Variants in RETREG1 observed in about 807,000 individuals in gnomAD.
RETREG1 encodes family with sequence similarity 134 member B.
RETREG1 carries 44 observed loss-of-function variants against 54.8 expected under a neutral mutation model. The observed-to-expected ratio is 0.80, with a 90% CI of 0.63 to 1.03. The LOEUF (loss-of-function observed/expected upper bound fraction) is 1.03, where lower values mean the gene tolerates loss of function less well. RETREG1 is among the 50% of genes least tolerant of loss of function. RETREG1 has a pLI of 0.00. For missense variants in RETREG1, 554 were observed against 605.1 expected, an observed-to-expected ratio of 0.92 and a Z score of 0.89; for synonymous variants, 217 against 238.5, an observed-to-expected ratio of 0.91 and a Z score of 0.83.
Position 16,478,971 on chromosome 5 carries a change from CA to C in RETREG1, c.686del (p.Leu229CysfsTer23). The C allele has an allele frequency of 6.2e-7, 1 of 1,611,808 alleles. No individual in the cohort carries two copies. Among genetic ancestry groups the C allele is most frequent in the Non-Finnish European group, 8.5e-7 (1 of 1,178,782 alleles). On this transcript the variant is annotated frameshift_variant, in exon 6 of 9. Transcript: ENST00000306320. LOFTEE classifies it high-confidence loss of function. ...LSYLLLLCAFLCPLFKCNDIG... is the reference protein window; with the variant it reads ...LSYLLLLCAFXCPLFKCNDIG... The stretch of plus-strand genomic sequence containing the variant: ...TATCATTACATTTAAACAATGGACA[CA>C]AAAATGCACACAGTACTGAAAGAAG...
In RETREG1 at chr5:16,478,870, T is replaced by G. The variant is rs564789943; in HGVS notation, c.788A>C (p.Gln263Pro). The change falls in exon 6 of 9, where the codon CAG becomes CCG. Residue 263 changes from glutamine to proline, a missense_variant. By Grantham distance (76) the Gln-to-Pro change is moderately conservative. Coordinates refer to ENST00000306320, the MANE Select transcript of RETREG1 (RefSeq NM_001034850.3). ...LDFGIGEYINQKKRERSEADK... is the reference protein window; with the variant it reads ...LDFGIGEYINPKKRERSEADK... ...CCTACCAGATCTCTCACGTTTCTTC[T>G]GATTAATATATTCTCCAATTCCAAA... 1.3e-5 allele frequency: 21 copies of G among 1,612,268 alleles called. No homozygotes were observed. The South Asian group carries it at 2.2e-4, about 17-fold the overall frequency.
chr5:16,478,747 G>A, intron 6 of RETREG1, 103 bp downstream of exon 6: 4 of 1,086,116 alleles, frequency 3.7e-6, no homozygotes, highest in Non-Finnish European at 5.5e-6. Flanking sequence ...ATAATATTTA[G>A]TAAAAAGCTA....
intron 3 of RETREG1, among the ~76,000 whole-genome samples, chr5:16,549,168 T>C (rs991963): frequency 0.33 from 50,855 of 152,176 alleles, 10,127 homozygotes; most frequent in Non-Finnish European, 0.44. Context: ...CTGATACTGA[T>C]AAAATTATCG....
At chr5:16,501,725 A>C (rs1248497075) in intron 3 of RETREG1, among the ~76,000 whole-genome samples, 1 of 150,714 alleles carries the variant, frequency 6.6e-6, no homozygotes, top group Non-Finnish European at 1.5e-5. Flanking sequence ...TTGTATTTTC[A>C]GTAGAGACAA....
At chr5:16,522,597 T>C (rs1051501866) in intron 3 of RETREG1, among the ~76,000 whole-genome samples, 4 of 152,216 alleles carry the variant, frequency 2.6e-5, no homozygotes, top group Non-Finnish European at 4.4e-5. Context: ...TTTCATGGTG[T>C]TAATCCCCAA....
chr5:16,509,010 GGCCCGCCT>G, intron 3 of RETREG1: 1 of 1,004,892 alleles, frequency 1.0e-6, no homozygotes, highest in Non-Finnish European at 1.2e-6. Flanking sequence ...ACTTCACCTA[GGCCCGCCT>G]GCCCTTTTTC....
chr5:16,546,948 A>T (rs1700554042), intron 3 of RETREG1, among the ~76,000 whole-genome samples: 1 of 152,206 alleles, frequency 6.6e-6, no homozygotes, highest in Non-Finnish European at 1.5e-5. Flanking sequence ...TGAATTCCAC[A>T]GCTTCAAAGC....
At chr5:16,573,146 C>T (rs1742226794) in intron 1 of RETREG1, among the ~76,000 whole-genome samples, 1 of 128,230 alleles carries the variant, frequency 7.8e-6, no homozygotes, top group Non-Finnish European at 1.6e-5. Context: ...CGCACCACTG[C>T]ACTCCAGCCT....
chr5:16,565,634 A>T, intron 3 of RETREG1, 129 bp downstream of exon 3: 1 of 1,001,368 alleles, frequency 1.0e-6, no homozygotes, highest in Non-Finnish European at 1.5e-6. Flanking sequence ...TCATTTTCCC[A>T]CTCTGGTAAA....
chr5:16,540,929 G>A (rs1579665164), intron 3 of RETREG1, among the ~76,000 whole-genome samples: 1 of 152,182 alleles, frequency 6.6e-6, no homozygotes. Context: ...AGTAGACGGG[G>A]AAAAGCATGG....
intron 1 of RETREG1, among the ~76,000 whole-genome samples, chr5:16,586,819 A>G (rs1742637099): frequency 6.6e-6 from 1 of 152,162 alleles, no homozygotes; most frequent in South Asian, 2.1e-4. Context: ...ACAGAAATCT[A>G]TTTCTCATAG....
At chr5:16,591,371 A>G (rs1344160938) in intron 1 of RETREG1, among the ~76,000 whole-genome samples, 2 of 152,226 alleles carry the variant, frequency 1.3e-5, no homozygotes, top group African/African-American at 4.8e-5. Context: ...GCCACAGGTA[A>G]CCACCCCATG....
At chr5:16,549,270 C>T (rs1741468092) in intron 3 of RETREG1, among the ~76,000 whole-genome samples, 1 of 152,160 alleles carries the variant, frequency 6.6e-6, no homozygotes, top group Non-Finnish European at 1.5e-5. Context: ...CATCAAAGAA[C>T]AAGACGAATT....
chr5:16,481,048 C>G lies in RETREG1; in HGVS notation c.631G>C (p.Gly211Arg). The change falls in exon 5 of 9, where the codon GGA becomes CGA. Residue 211 changes from glycine to arginine, a missense_variant. Gly to Arg is a moderately radical substitution (Grantham distance 125). Transcript: ENST00000306320. ...AGTATAACCCCAGGAATGTAACTTC[C>G]CAAGATCGTAAAAAATGTGCACACA... The part of the protein sequence containing the change: ...CSVCTFFTIL[G>R]SYIPGVILSY... 6.2e-7 allele frequency: 1 copy of G among 1,611,884 alleles called. No individual in the cohort carries two copies. Among genetic ancestry groups the G allele is most frequent in the Non-Finnish European group, 8.5e-7 (1 of 1,178,478 alleles).
At chr5:16,495,411 A>G (rs772660562) in intron 3 of RETREG1, among the ~76,000 whole-genome samples, 20 of 151,784 alleles carry the variant, frequency 1.3e-4, no homozygotes, top group Non-Finnish European at 2.9e-4. Context: ...CCATCTAGCA[A>G]CCCCTCCCAT....
In RETREG1 at chr5:16,616,808, A is replaced by G; in HGVS notation, c.164T>C (p.Leu55Ser). The G allele has an allele frequency of 6.6e-7, 1 of 1,520,364 alleles. No homozygotes were observed. Among genetic ancestry groups the G allele is most frequent in the Non-Finnish European group, 8.8e-7 (1 of 1,141,144 alleles). The allele number at this position is 1,520,364 out of a possible 1,614,324, so 94.2% of individuals were successfully genotyped here. A position where few individuals can be genotyped will look rare whatever the true frequency, so the allele number is the denominator to read the frequency against. The part of the protein sequence containing the change: ...QEAGAAEGAG[L>S]QVEEAAGRAA... ...CCGGCCCGCGGCCTCCTCCACCTGC[A>G]ACCCCGCGCCCTCCGCCGCCCCAGC... is the stretch of plus-strand genomic sequence containing the variant. Residue 55 changes from leucine (L) to serine (S), a missense_variant, in exon 1 of 9, where the codon TTG becomes TCG. By Grantham distance (145) the Leu-to-Ser change is moderately radical. Around this residue, in one of 4 missense-constraint regions of RETREG1, gnomAD observed 175 missense variants for 142.1 expected, o/e 1.23. Coordinates refer to ENST00000306320, the MANE Select transcript of RETREG1 (RefSeq NM_001034850.3).
intron 2 of RETREG1, among the ~76,000 whole-genome samples, chr5:16,566,555 G>A (rs766099801): frequency 6.6e-6 from 1 of 152,236 alleles, no homozygotes; most frequent in Non-Finnish European, 1.5e-5. Context: ...AAAGCCAAAT[G>A]TGTTGTCCCT....
At chr5:16,571,193 A>G (rs1388727333) in intron 2 of RETREG1, among the ~76,000 whole-genome samples, 1 of 152,158 alleles carries the variant, frequency 6.6e-6, no homozygotes, top group Non-Finnish European at 1.5e-5. Context: ...AGGCCTAGAT[A>G]TCCCTGCCAG....
At chr5:16,510,661 A>G (rs1378173095) in intron 3 of RETREG1, among the ~76,000 whole-genome samples, 7 of 151,714 alleles carry the variant, frequency 4.6e-5, no homozygotes, top group African/African-American at 1.7e-4. Flanking sequence ...GTGGTGACGC[A>G]TGCCTGTAAT....
Sources: gnomAD v4.1 joint callset for allele counts (sites outside exome capture counted in the v4.1 genomes callset) on GRCh38, gnomAD v4.1.1 for gene constraint, gnomAD v4.1.1 regional missense constraint, MANE v1.5 for transcripts, NCBI Gene and HGNC (gene_info 2026-07-23, HGNC 2026-07-21) for gene names.